CD99L2: variants seen among roughly 807,000 people sequenced by gnomAD.
CD99L2 encodes the protein CD99 molecule like 2.
CD99L2 carries 24 observed loss-of-function variants against 27.3 expected under a neutral mutation model. The observed-to-expected ratio is 0.88, with a 90% CI of 0.64 to 1.24. CD99L2 has a LOEUF of 1.24. Among genes scored for constraint, CD99L2 ranks in the 50% most tolerant of loss-of-function variants. CD99L2 has a pLI of 0.00. For synonymous variants in CD99L2, 97 were observed against 87.9 expected, an observed-to-expected ratio of 1.10 and a Z score of -0.58; for missense variants, 255 against 221.6, an observed-to-expected ratio of 1.15 and a Z score of -0.96.
Position 150,794,702 on chromosome X carries a change from T to C in CD99L2, c.430+504A>G, listed in dbSNP as rs368352304. Among the ~76,000 whole-genome samples, 9 of 111,417 alleles carry C rather than the reference T, an allele frequency of 8.1e-5. No homozygotes were observed. In the South Asian group the frequency reaches 3.5e-3, roughly 43 times the overall value. ...AGGATCTGAAAAGTCTGTGAAAATA[T>C]TCCTCCCTTTCCCCACTGCCTATGG... On this transcript the variant is annotated intron_variant, in intron 6 of 10. Coordinates refer to ENST00000370377, the MANE Select transcript of CD99L2 (RefSeq NM_031462.4).
chrX:150,801,923 T>C (rs1400433022), intron 4 of CD99L2, among the ~76,000 whole-genome samples: 1 of 111,987 alleles, frequency 8.9e-6, no homozygotes, highest in African/African-American at 3.3e-5. Flanking sequence ...AAAGAACATC[T>C]AGAAAACACC....
At chrX:150,829,780 G>A (rs1273411183) in intron 2 of CD99L2, among the ~76,000 whole-genome samples, 1 of 111,612 alleles carries the variant, frequency 9.0e-6, no homozygotes, top group African/African-American at 3.3e-5. Context: ...ACTGACTACA[G>A]TAGTTCTCAT....
In CD99L2 at chrX:150,766,925, C is replaced by CG. The variant is rs1180093236; in HGVS notation, c.*2108dup. ...GGCTTTGTGCAGAAAGCACCCGGGG[C>CG]GGGGGGCGGTAAGGGAGAGCAAAAT... On this transcript the variant is annotated 3_prime_UTR_variant, in exon 11 of 11. Transcript: ENST00000370377. 8.8e-6 allele frequency: 1 copy of CG among 113,300 alleles called. No individual in the cohort carries two copies. The highest frequency in any genetic ancestry group is 1.9e-5 in the Non-Finnish European group (1 of 53,352). 9.3% of individuals were successfully genotyped at this position (113,300 alleles called of 1,213,427 possible).
At chrX:150,854,233 G>C (rs2046836551) in intron 1 of CD99L2, among the ~76,000 whole-genome samples, 1 of 111,351 alleles carries the variant, frequency 9.0e-6, no homozygotes, top group Non-Finnish European at 1.9e-5. Context: ...CCCACCAAGT[G>C]CTTTTCCCAA....
chrX:150,768,696 A>G lies in CD99L2; in HGVS notation c.*338T>C. 7.6e-6 allele frequency: 2 copies of G among 261,854 alleles called. No individual in the cohort carries two copies. The highest frequency in any genetic ancestry group is 6.5e-5 in the East Asian group (1 of 15,438). The allele number at this position is 261,854 out of a possible 1,213,427, so 21.6% of individuals were successfully genotyped here. On this transcript the variant is annotated 3_prime_UTR_variant, in exon 11 of 11. Transcript: ENST00000370377. ...TCAAACTCTTGTCCCCTAAGCATAA[A>G]TGTCATCAGGCCTCAGCATCATCTT... is the stretch of plus-strand genomic sequence containing the variant.
chrX:150,830,816 T>G (rs1186546034), intron 2 of CD99L2, among the ~76,000 whole-genome samples: 2 of 110,995 alleles, frequency 1.8e-5, no homozygotes, highest in Non-Finnish European at 3.8e-5. Flanking sequence ...TTTCTTTTCT[T>G]TTCTTTTTTG....
chrX:150,772,331 G>A (rs2043472937), intron 9 of CD99L2, among the ~76,000 whole-genome samples: 1 of 112,724 alleles, frequency 8.9e-6, no homozygotes, highest in Non-Finnish European at 1.9e-5. Context: ...TGAGCACCAG[G>A]TGAGGTCAGC....
chrX:150,885,066 A>G (rs1557422585), intron 1 of CD99L2, among the ~76,000 whole-genome samples: 2 of 111,079 alleles, frequency 1.8e-5, no homozygotes, highest in African/African-American at 6.6e-5. Context: ...AAACAAAACT[A>G]TATGATTTAT....
At chrX:150,777,857 C>T (rs910893034) in intron 7 of CD99L2, among the ~76,000 whole-genome samples, 6 of 112,123 alleles carry the variant, frequency 5.4e-5, no homozygotes, top group Admixed American at 1.9e-4. Context: ...CGGGACAGCC[C>T]GACTTTGAGT....
chrX:150,811,160 G>C (rs1557420349), intron 4 of CD99L2, among the ~76,000 whole-genome samples: 1 of 112,032 alleles, frequency 8.9e-6, no homozygotes, highest in Non-Finnish European at 1.9e-5. Flanking sequence ...ATTCAATAAA[G>C]CACATGAAAA....
chrX:150,803,115 C>T lies in CD99L2; in HGVS notation c.278-7629G>A, dbSNP rs193299487. On this transcript the variant is annotated intron_variant, in intron 4 of 10. Coordinates refer to ENST00000370377, the MANE Select transcript of CD99L2 (RefSeq NM_031462.4). Reference sequence around the variant, plus strand: ...TTCACCATGTTGGTCAGGCTGGTCTCGAACTCCTGACCTCGTGATCTGCCC... The same window carrying T: ...TTCACCATGTTGGTCAGGCTGGTCTTGAACTCCTGACCTCGTGATCTGCCC... 5.5e-4 allele frequency among the ~76,000 whole-genome samples: 59 copies of T among 107,918 alleles called. 2 individuals are homozygous for T. The East Asian group carries it at 0.016, about 30-fold the overall frequency. The allele number at this position is 107,918 out of a possible 115,157, so 93.7% of individuals were successfully genotyped here.
intron 1 of CD99L2, among the ~76,000 whole-genome samples, chrX:150,878,421 A>G (rs1342656154): frequency 9.1e-6 from 1 of 110,013 alleles, no homozygotes; most frequent in East Asian, 2.8e-4. Context: ...GCACTTGAGA[A>G]TAAGTCTGAC....
Position 150,824,175 on chromosome X carries a change from A to AG in CD99L2, c.130+7055dup, listed in dbSNP as rs1557420765. On this transcript the variant is annotated intron_variant, in intron 2 of 10. Coordinates refer to ENST00000370377, the MANE Select transcript of CD99L2 (RefSeq NM_031462.4). ...AAGGAGGAGGAGGAGGAGGAGGAGG[A>AG]GAAGGAGGAGGAGGAAGAAGAAGAG... Among the ~76,000 whole-genome samples, 125 of 45,511 alleles carry AG rather than the reference A, an allele frequency of 2.7e-3. 18 individuals carry two copies. Among genetic ancestry groups the AG allele is most frequent in the African/African-American group, 6.2e-3 (96 of 15,569 alleles). The allele number at this position is 45,511 out of a possible 115,157, so 39.5% of individuals were successfully genotyped here. A position where few individuals can be genotyped will look rare whatever the true frequency, so the allele number is the denominator to read the frequency against.
At chrX:150,792,669 A>G (rs1426292435) in intron 7 of CD99L2, among the ~76,000 whole-genome samples, 1 of 112,142 alleles carries the variant, frequency 8.9e-6, no homozygotes, top group East Asian at 2.8e-4. Context: ...TGTCACACTT[A>G]TAACCGGGTG....
In CD99L2 at chrX:150,831,807, G is replaced by A. The variant is rs781982343; in HGVS notation, c.68-514C>T. 8.9e-5 allele frequency among the ~76,000 whole-genome samples: 10 copies of A among 111,913 alleles called. No individual in the cohort carries two copies. In the East Asian group the frequency reaches 2.8e-3, roughly 31 times the overall value. ...GTCAAAAACTGTAAAAAGAGACAAA[G>A]AAGGTCATTATATGCTAAAGGGGTC... is the stretch of plus-strand genomic sequence containing the variant. On this transcript the variant is annotated intron_variant, in intron 1 of 10. Coordinates refer to ENST00000370377, the MANE Select transcript of CD99L2 (RefSeq NM_031462.4).
At chrX:150,792,336 T>C (rs1418543621) in intron 7 of CD99L2, among the ~76,000 whole-genome samples, 2 of 112,280 alleles carry the variant, frequency 1.8e-5, no homozygotes, top group Non-Finnish European at 3.8e-5. Context: ...CACGTGTGCC[T>C]ACTGCTCTCA....
intron 1 of CD99L2, among the ~76,000 whole-genome samples, chrX:150,861,091 G>A (rs2046969377): frequency 1.0e-5 from 1 of 98,545 alleles, no homozygotes; most frequent in Admixed American, 1.1e-4. Flanking sequence ...GCAGTGAGCC[G>A]AGACCGCACC....
At chrX:150,827,832 C>T (rs1467603567) in intron 2 of CD99L2, among the ~76,000 whole-genome samples, 2 of 111,539 alleles carry the variant, frequency 1.8e-5, no homozygotes, top group Non-Finnish European at 3.8e-5. Flanking sequence ...GGTAACGGTC[C>T]AACTTCATTC....
At chrX:150,880,193 A>G (rs1198264524) in intron 1 of CD99L2, among the ~76,000 whole-genome samples, 1 of 111,912 alleles carries the variant, frequency 8.9e-6, no homozygotes, top group Non-Finnish European at 1.9e-5. Flanking sequence ...ATATGACTTC[A>G]CAACTCCACC....
Sources: gnomAD v4.1 joint callset for allele counts (sites outside exome capture counted in the v4.1 genomes callset) on GRCh38, gnomAD v4.1.1 for gene constraint, MANE v1.5 for transcripts, NCBI Gene and HGNC (gene_info 2026-07-23, HGNC 2026-07-21) for gene names.